Variants in CPXM2 observed in about 807,000 individuals in gnomAD.
CPXM2 encodes inactive carboxypeptidase-like protein X2.
Under a neutral mutation model 86.1 loss-of-function variants are expected in CPXM2, and 66 were observed. The ratio of observed to expected loss-of-function variants is 0.77; its 90% CI spans 0.63 to 0.94. The LOEUF (loss-of-function observed/expected upper bound fraction) is 0.94, where lower values mean the gene tolerates loss of function less well. Among genes scored for constraint, CPXM2 ranks in the 40% least tolerant of loss-of-function variants. CPXM2 has a pLI of 0.00. For synonymous variants in CPXM2, 388 were observed against 400.2 expected (o/e 0.97, Z 0.36); for missense variants, 948 against 1,026.3 (o/e 0.92, Z 1.04).
chr10:123,939,312 G>T (rs1025148607), intron 2 of CPXM2, among the ~76,000 whole-genome samples: 3 of 152,150 alleles, frequency 2.0e-5, no homozygotes, highest in African/African-American at 7.2e-5. Context: ...GGCACCAAGC[G>T]GGGCCCAGCA....
chr10:123,802,728 C>T (rs1003835247), intron 4 of CPXM2, among the ~76,000 whole-genome samples: 6 of 152,252 alleles, frequency 3.9e-5, no homozygotes, highest in Admixed American at 6.5e-5. Flanking sequence ...TACGTTCAGC[C>T]GCATTATTTT....
chr10:123,890,603 G>C (rs750961793), intron 1 of CPXM2, among the ~76,000 whole-genome samples: 3 of 152,212 alleles, frequency 2.0e-5, no homozygotes, highest in Non-Finnish European at 4.4e-5. Flanking sequence ...AGAACATTTG[G>C]AACTAGAGAA....
At chr10:123,783,330 T>C (rs528679780) in intron 6 of CPXM2, among the ~76,000 whole-genome samples, 88 of 152,364 alleles carry the variant, frequency 5.8e-4, no homozygotes, top group African/African-American at 1.9e-3. Context: ...AGGAACCCTC[T>C]CCTGGGGTCT....
chr10:123,768,744 A>C (rs1465179387), intron 8 of CPXM2, 22 bp from the exon 9 acceptor site: 1 of 1,602,070 alleles, frequency 6.2e-7, no homozygotes, highest in Non-Finnish European at 8.5e-7. Flanking sequence ...GACAGAGAGA[A>C]GCACAGGTTC....
At chr10:123,858,214 C>A (rs949887348) in intron 3 of CPXM2, among the ~76,000 whole-genome samples, 2 of 152,242 alleles carry the variant, frequency 1.3e-5, no homozygotes, top group African/African-American at 4.8e-5. Context: ...CCTGCCCGGC[C>A]GCCTCCTAGG....
chr10:123,920,890 T>C (rs1330238876), intron 2 of CPXM2, among the ~76,000 whole-genome samples: 1 of 152,140 alleles, frequency 6.6e-6, no homozygotes, highest in Non-Finnish European at 1.5e-5. Context: ...CCTTCCACCT[T>C]CCACCATGGG....
intron 2 of CPXM2, among the ~76,000 whole-genome samples, chr10:123,870,805 G>A (rs745728746): frequency 1.3e-5 from 2 of 152,150 alleles, no homozygotes; most frequent in Admixed American, 6.5e-5. Flanking sequence ...AAACTTAAAG[G>A]AAAGGTGCCC....
intron 13 of CPXM2, among the ~76,000 whole-genome samples, chr10:123,747,590 G>A (rs1219512842): frequency 6.6e-6 from 1 of 152,130 alleles, no homozygotes; most frequent in Admixed American, 6.5e-5. Flanking sequence ...TGGACGCTGT[G>A]GGGCAGAGGA....
chr10:123,827,838 T>C (rs1035873266), intron 4 of CPXM2, among the ~76,000 whole-genome samples: 1 of 152,130 alleles, frequency 6.6e-6, no homozygotes, highest in African/African-American at 2.4e-5. Context: ...ATCAGGACTG[T>C]ATGATAGTAA....
intron 4 of CPXM2, among the ~76,000 whole-genome samples, chr10:123,830,872 C>CTCTCTCTCTGTGTGTGTGTG (rs1258897184): frequency 1.1e-4 from 15 of 142,800 alleles, no homozygotes; most frequent in African/African-American, 4.0e-4. Context: ...CTCTCTCTCT[C>CTCTCTCTCTGTGTGTGTGTG]TGTGTGTGTG....
chr10:123,872,443 T>C (rs1438876038), intron 2 of CPXM2, among the ~76,000 whole-genome samples: 4 of 152,202 alleles, frequency 2.6e-5, no homozygotes, highest in African/African-American at 7.2e-5. Context: ...ATACAATGTA[T>C]GATCTGATGA....
At chr10:123,858,971 C>G (rs1848798500) in intron 3 of CPXM2, among the ~76,000 whole-genome samples, 1 of 152,216 alleles carries the variant, frequency 6.6e-6, no homozygotes, top group South Asian at 2.1e-4. Flanking sequence ...CTGATGACGA[C>G]ACTGAGCCTT....
intron 1 of CPXM2, among the ~76,000 whole-genome samples, chr10:123,887,494 A>G (rs1360076796): frequency 6.6e-6 from 1 of 152,216 alleles, no homozygotes; most frequent in Non-Finnish European, 1.5e-5. Context: ...TCTAGTTAAC[A>G]GTATCACTGT....
chr10:123,905,282 C>T (rs1052313040), intron 2 of CPXM2, among the ~76,000 whole-genome samples: 1 of 152,194 alleles, frequency 6.6e-6, no homozygotes, highest in Non-Finnish European at 1.5e-5. Context: ...AAAGGCCTTC[C>T]GCGAGCAGCT....
intron 4 of CPXM2, among the ~76,000 whole-genome samples, chr10:123,832,101 A>C (rs957270839): frequency 6.6e-6 from 1 of 152,208 alleles, no homozygotes; most frequent in Non-Finnish European, 1.5e-5. Context: ...TGGTATAAAG[A>C]TGAATATATT....
In CPXM2 at chr10:123,757,368, GACA is replaced by G. The variant is rs1372818138; in HGVS notation, c.1778-19_1778-17del. ...TCGTTCAGACCTGCCAAGCCAACCG[GACA>G]ACACTTTAACTGAACAATACTCAAA... is the stretch of plus-strand genomic sequence containing the variant. On this transcript the variant is annotated splice_polypyrimidine_tract_variant and intron_variant, in intron 11 of 13. Coordinates refer to ENST00000241305, the MANE Select transcript of CPXM2 (RefSeq NM_198148.3). 2.5e-6 allele frequency: 4 copies of G among 1,609,050 alleles called. No individual in the cohort carries two copies. Among genetic ancestry groups the G allele is most frequent in the African/African-American group, 2.7e-5 (2 of 74,842 alleles).
intron 2 of CPXM2, among the ~76,000 whole-genome samples, chr10:123,900,313 A>C (rs1354488753): frequency 6.6e-6 from 1 of 152,204 alleles, no homozygotes; most frequent in Admixed American, 6.5e-5. Flanking sequence ...AAGTGCTGGG[A>C]TTACAGGCAT....
chr10:123,857,624 CGGCGTGGAG>C (rs1848759343), intron 3 of CPXM2, among the ~76,000 whole-genome samples: 2 of 111,936 alleles, frequency 1.8e-5, no homozygotes, highest in South Asian at 6.5e-4. Flanking sequence ...AGATGGAAGG[CGGCGTGGAG>C]ATGGAAGGCG....
In CPXM2 at chr10:123,891,262, T is replaced by A; in HGVS notation, c.304+94A>T. ...CAGGGAGATTCCCGGGACTGGCCCATCCCAGACACACACAATGGGAGAAGC... is the reference window on the plus strand; with the variant it reads ...CAGGGAGATTCCCGGGACTGGCCCAACCCAGACACACACAATGGGAGAAGC... On this transcript the variant is annotated intron_variant, in intron 1 of 13. Transcript: ENST00000241305. The surrounding 1 kb of genome is among the most constrained non-coding windows in gnomAD (Gnocchi z 5.6). 2 of 1,091,800 alleles carry A rather than the reference T, an allele frequency of 1.8e-6. No homozygotes were observed. Among genetic ancestry groups the A allele is most frequent in the Non-Finnish European group, 2.6e-6 (2 of 783,780 alleles). The allele number at this position is 1,091,800 out of a possible 1,614,324, so 67.6% of individuals were successfully genotyped here.
Sources: gnomAD v4.1 joint callset for allele counts (sites outside exome capture counted in the v4.1 genomes callset) on GRCh38, gnomAD v4.1.1 for gene constraint, Gnocchi (gnomAD v3.1) non-coding constraint, MANE v1.5 for transcripts, NCBI Gene and HGNC (gene_info 2026-07-23, HGNC 2026-07-21) for gene names.